The following VPS35 variants were observed in gnomAD, a reference collection of about 807,000 sequenced individuals.
The protein encoded by VPS35 is VPS35 retromer complex component.
Under a neutral mutation model 98.1 loss-of-function variants are expected in VPS35, and 21 were observed. That is an observed-to-expected ratio of 0.21 (90% CI 0.15 to 0.31). VPS35 has a LOEUF of 0.31. VPS35 is among the 10% of genes least tolerant of loss of function. The probability of loss-of-function intolerance (pLI) is 1.00; values close to 1 mark genes in which losing one functional copy is unlikely to be tolerated. For missense variants in VPS35, 554 were observed against 950.8 expected (o/e 0.58, Z 5.49); for synonymous variants, 268 against 318.2 (o/e 0.84, Z 1.68).
intron 8 of VPS35, among the ~76,000 whole-genome samples, chr16:46,674,922 T>C (rs923959739): frequency 4.0e-5 from 6 of 151,860 alleles, no homozygotes; most frequent in Non-Finnish European, 5.9e-5. Context: ...GCCTCCTGAG[T>C]AGCTGGGGCT....
intron 7 of VPS35, 31 bp downstream of exon 7, chr16:46,677,284 G>T (rs567967692): frequency 1.2e-5 from 19 of 1,584,000 alleles, no homozygotes; most frequent in Non-Finnish European, 1.5e-5. Context: ...AAAATAGGTC[G>T]TTTAAAAAAA....
At chr16:46,670,049 C>G (rs1435256953) in intron 12 of VPS35, among the ~76,000 whole-genome samples, 1 of 152,044 alleles carries the variant, frequency 6.6e-6, no homozygotes, top group South Asian at 2.1e-4. Flanking sequence ...CTGTGTTTTT[C>G]TTGGATTTTT....
At chr16:46,668,353 C>G (rs1212154500) in intron 13 of VPS35, among the ~76,000 whole-genome samples, 1 of 152,180 alleles carries the variant, frequency 6.6e-6, no homozygotes, top group East Asian at 1.9e-4. Context: ...TAAGACTGCG[C>G]CACTGTACTC....
At chr16:46,680,141 C>T (rs193226588) in intron 5 of VPS35, among the ~76,000 whole-genome samples, 127 of 152,326 alleles carry the variant, frequency 8.3e-4, no homozygotes, top group Non-Finnish European at 1.7e-3. Flanking sequence ...GTACAGTAGA[C>T]TTTGATGCTA....
At chr16:46,669,625 C>T (rs1486465244) in intron 12 of VPS35, among the ~76,000 whole-genome samples, 5 of 150,780 alleles carry the variant, frequency 3.3e-5, no homozygotes, top group Non-Finnish European at 5.9e-5. Context: ...TGGGATCATG[C>T]CACTGCACTC....
Position 46,679,170 on chromosome 16 carries a change from GAA to G in VPS35, c.507-16_507-15del. The G allele has an allele frequency of 6.3e-7, 1 of 1,587,542 alleles. No individual in the cohort carries two copies. ...GTTGTTTCTTCACTGCAAAGAAACA[GAA>G]AAGTCTTTACACAGTATTTACAGGA... On this transcript the variant is annotated splice_polypyrimidine_tract_variant and intron_variant, in intron 5 of 16. Transcript: ENST00000299138.
At chr16:46,669,809 C>G (rs978767586) in intron 12 of VPS35, among the ~76,000 whole-genome samples, 10 of 152,126 alleles carry the variant, frequency 6.6e-5, no homozygotes, top group Admixed American at 6.5e-4. Flanking sequence ...CCACAAGTTT[C>G]TATAAACTCC....
intron 7 of VPS35, 84 bp downstream of exon 7, chr16:46,677,231 T>C (rs1405367228): frequency 1.6e-6 from 2 of 1,251,752 alleles, no homozygotes; most frequent in Non-Finnish European, 2.3e-6. Flanking sequence ...TTATTTCCTA[T>C]TCCATCAAAA....
intron 1 of VPS35, 168 bp downstream of exon 1, chr16:46,688,963 C>CCGCG: frequency 6.6e-7 from 1 of 1,506,936 alleles, no homozygotes; most frequent in South Asian, 1.2e-5. Flanking sequence ...ATCAGCCTGC[C>CCGCG]CGCGGCCTTC....
At chr16:46,685,322 T>C (rs1312233693) in intron 1 of VPS35, among the ~76,000 whole-genome samples, 2 of 152,198 alleles carry the variant, frequency 1.3e-5, no homozygotes, top group Non-Finnish European at 2.9e-5. Flanking sequence ...ACATTTCATT[T>C]TGAGATTAAC....
chr16:46,666,537 C>T (rs547352077), intron 13 of VPS35, among the ~76,000 whole-genome samples: 3 of 151,634 alleles, frequency 2.0e-5, no homozygotes, highest in South Asian at 4.2e-4. Flanking sequence ...CAAAGTGCTG[C>T]GATTACAGGC....
At chr16:46,678,825 T>C in intron 6 of VPS35, 118 bp downstream of exon 6, 1 of 1,037,070 alleles carries the variant, frequency 9.6e-7, no homozygotes, top group Non-Finnish European at 1.4e-6. Context: ...TCTTCTTCAA[T>C]AACAGCCATT....
chr16:46,683,560 T>A lies in VPS35; in HGVS notation c.50A>T (p.Asp17Val), dbSNP rs773381942. 1 of 1,614,064 alleles carries A rather than the reference T, an allele frequency of 6.2e-7. No homozygotes were observed. Among genetic ancestry groups the A allele is most frequent in the South Asian group, 1.1e-5 (1 of 91,058 alleles). The change falls in exon 2 of 17, where the codon GAT becomes GTT. Residue 17 changes from aspartate to valine, a missense_variant. Physicochemically the swap from Asp to Val is radical, Grantham distance 152 (BLOSUM62 -3). This residue lies in a region of VPS35 where 67 missense variants were observed against 103.3 expected (regional missense o/e 0.65). Coordinates refer to ENST00000299138, the MANE Select transcript of VPS35 (RefSeq NM_018206.6). ...GACCTTCACAGCCTGTATGGCTTCA[T>A]CCAAGAGCTTTTCCTGCTCATCCTG... ...SPQDEQEKLLDEAIQAVKVQS... is the reference protein window; with the variant it reads ...SPQDEQEKLLVEAIQAVKVQS...
At chr16:46,683,463 G>C in intron 2 of VPS35, 45 bp downstream of exon 2, 1 of 1,564,870 alleles carries the variant, frequency 6.4e-7, no homozygotes, top group Non-Finnish European at 8.8e-7. Flanking sequence ...TGCTTCCTTA[G>C]GAACACACGA....
chr16:46,669,273 A>G lies in VPS35; in HGVS notation c.1525-221T>C, dbSNP rs1302064305. Reference sequence around the variant, plus strand: ...ACAAATGGGGAAGCCTGAGTTTCAGAGAGGTTGTATAACCTGCCCAAGGTA... The same window carrying G: ...ACAAATGGGGAAGCCTGAGTTTCAGGGAGGTTGTATAACCTGCCCAAGGTA... On this transcript the variant is annotated intron_variant, in intron 12 of 16. Transcript: ENST00000299138. 6 of 594,848 alleles carry G rather than the reference A, an allele frequency of 1.0e-5. No individual in the cohort carries two copies. The African/African-American group carries it at 1.1e-4, about 11-fold the overall frequency. The allele number at this position is 594,848 out of a possible 1,614,324, so 36.8% of individuals were successfully genotyped here. A position where few individuals can be genotyped will look rare whatever the true frequency, so the allele number is the denominator to read the frequency against.
chr16:46,682,578 A>G (rs1178886194), intron 2 of VPS35: 2 of 182,574 alleles, frequency 1.1e-5, no homozygotes, highest in African/African-American at 2.4e-5. Context: ...GTCTGAAATG[A>G]CTATCCATGT....
Position 46,661,059 on chromosome 16 carries a change from A to G in VPS35, c.2212-408T>C. On this transcript the variant is annotated intron_variant, in intron 16 of 16. Coordinates refer to ENST00000299138, the MANE Select transcript of VPS35 (RefSeq NM_018206.6). This position sits in a 1 kb window ranked among gnomAD's most constrained non-coding sequence, Gnocchi z 4.3. ...CTATTCAGGAGGCTGAGGCATGAGAATTGCTTGAACCTGGGAGGCAGAGGT... is the reference window on the plus strand; with the variant it reads ...CTATTCAGGAGGCTGAGGCATGAGAGTTGCTTGAACCTGGGAGGCAGAGGT... 1 of 318,352 alleles carries G rather than the reference A, an allele frequency of 3.1e-6. No individual in the cohort carries two copies. Among genetic ancestry groups the G allele is most frequent in the Non-Finnish European group, 6.1e-6 (1 of 163,062 alleles). The allele number at this position is 318,352 out of a possible 1,614,324, so 19.7% of individuals were successfully genotyped here.
In VPS35 at chr16:46,663,094, G is replaced by C. The variant is rs1309605849; in HGVS notation, c.1716C>G (p.Ile572Met). 3.1e-6 allele frequency: 5 copies of C among 1,614,020 alleles called. No homozygotes were observed. The Admixed American group carries it at 8.3e-5, about 27-fold the overall frequency. ...SFAHQTISAL[I>M]KAELAELPLR... is the part of the protein sequence containing the mutation. ...AGGGCAATTCTGCCAGCTCTGCTTT[G>C]ATCAAAGCACTGATAGTCTGGTGGG... Residue 572 changes from isoleucine to methionine, a missense_variant, in exon 14 of 17, where the codon ATC becomes ATG. Ile to Met is a conservative substitution (Grantham distance 10, BLOSUM62 1). Transcript: ENST00000299138.
At chr16:46,664,515 CTT>C (rs1965960378) in intron 13 of VPS35, among the ~76,000 whole-genome samples, 1 of 150,398 alleles carries the variant, frequency 6.6e-6, no homozygotes, top group Non-Finnish European at 1.5e-5. Flanking sequence ...TCTAATTTTT[CTT>C]TTCTTTTCTT....
Sources: allele counts gnomAD v4.1 joint callset (sites outside exome capture counted in the v4.1 genomes callset), GRCh38; gene constraint gnomAD v4.1.1; regional missense constraint gnomAD v4.1.1; non-coding constraint Gnocchi (gnomAD v3.1); transcripts MANE v1.5; gene names NCBI Gene and HGNC (gene_info 2026-07-23, HGNC 2026-07-21).